JAK1: variants seen among roughly 807,000 people sequenced by gnomAD.
JAK1 encodes tyrosine-protein kinase JAK1.
JAK1 carries 16 observed loss-of-function variants against 136.6 expected under a neutral mutation model. The observed-to-expected ratio is 0.12, with a 90% confidence interval of 0.08 to 0.18. JAK1 has a LOEUF of 0.18. Among genes scored for constraint, JAK1 ranks in the 10% least tolerant of loss-of-function variants. JAK1 has a pLI of 1.00. For missense variants in JAK1, 859 were observed against 1,450.1 expected (o/e 0.59, Z 6.62); for synonymous variants, 492 against 519.5 (o/e 0.95, Z 0.72).
rs1348527015 is a variant in JAK1, at chr1:65,067,565, CCCGCCGCCCCCGCGCCCGG to C, written c.-181+20_-181+38del. 399 of 146,376 alleles carry C rather than the reference CCCGCCGCCCCCGCGCCCGG, an allele frequency of 2.7e-3. 2 individuals are homozygous for C. The East Asian group carries it at 0.036, about 13-fold the overall frequency. The allele number at this position is 146,376 out of a possible 1,614,324, so 9.1% of individuals were successfully genotyped here. On this transcript the variant is annotated intron_variant, in intron 1 of 25. Transcript: ENST00000671954. ...CCCGCGGGCGCTCGGCCCCGCGCGCCCCGCCGCCCCCGCGCCCGGCCGCCGCCCCCACACCCACCTGCGC... is the reference window on the plus strand; with the variant it reads ...CCCGCGGGCGCTCGGCCCCGCGCGCCCCGCCGCCCCCACACCCACCTGCGC...
rs1655270566 is a variant in JAK1 at position 64,846,886 on chromosome 1, G to A, written c.1900-150C>T. The A allele has an allele frequency of 6.4e-6, 4 of 625,220 alleles. No individual in the cohort carries two copies. In the East Asian group the frequency reaches 1.1e-4, roughly 17 times the overall value. 38.7% of individuals were successfully genotyped at this position (625,220 alleles called of 1,614,324 possible). A position where few individuals can be genotyped will look rare whatever the true frequency, so the allele number is the denominator to read the frequency against. ...GAACATCAATCCTCTGGCCTTGGCTGTCCAGAGGCACTGCCAAGCCTTGTT... is the reference window on the plus strand; with the variant it reads ...GAACATCAATCCTCTGGCCTTGGCTATCCAGAGGCACTGCCAAGCCTTGTT... On this transcript the variant is annotated intron_variant, in intron 13 of 24. Transcript: ENST00000342505.
In JAK1 at chr1:64,857,796, G is replaced by A. The variant is rs2101060864; in HGVS notation, c.1335-17C>T. Reference sequence around the variant, plus strand: ...TATTCTGTACTAGAGGGAGAAGTAGGCAAAGGGAGAAAGAGCTCACACCAA... The same window carrying A: ...TATTCTGTACTAGAGGGAGAAGTAGACAAAGGGAGAAAGAGCTCACACCAA... On this transcript the variant is annotated splice_polypyrimidine_tract_variant and intron_variant, in intron 9 of 24. Transcript: ENST00000342505. The A allele has an allele frequency of 6.2e-7, 1 of 1,613,934 alleles. No individual in the cohort carries two copies. The highest frequency in any genetic ancestry group is 8.5e-7 in the Non-Finnish European group (1 of 1,179,844).
chr1:65,014,861 A>T (rs1569880530), intron 2 of JAK1, among the ~76,000 whole-genome samples: 1 of 151,602 alleles, frequency 6.6e-6, no homozygotes, highest in African/African-American at 2.4e-5. Context: ...ATTTTTTTGT[A>T]CTTTTAGTAG....
chr1:64,986,106 A>T, intron 2 of JAK1: 3 of 757,598 alleles, frequency 4.0e-6, no homozygotes, highest in Non-Finnish European at 6.2e-6. Context: ...CCTCAATCTA[A>T]TTGTTTTTTT....
At chr1:65,017,448 A>G (rs1352899810) in intron 2 of JAK1, among the ~76,000 whole-genome samples, 1 of 152,226 alleles carries the variant, frequency 6.6e-6, no homozygotes, top group Non-Finnish European at 1.5e-5. Flanking sequence ...AGCCTGGGCA[A>G]CAGAGAGAGA....
chr1:64,839,324 T>C (rs1342488405), intron 20 of JAK1, among the ~76,000 whole-genome samples: 1 of 151,640 alleles, frequency 6.6e-6, no homozygotes, highest in Non-Finnish European at 1.5e-5. Flanking sequence ...TGGGTGGAGG[T>C]AGAGTAGGAA....
At chr1:64,876,151 A>G (rs1180337356) in intron 4 of JAK1, 3 of 152,138 alleles carry the variant, frequency 2.0e-5, no homozygotes, top group African/African-American at 4.8e-5. Context: ...AAGGAGAGAG[A>G]CAGGTCACCC....
intron 1 of JAK1, among the ~76,000 whole-genome samples, chr1:64,937,630 T>G (rs1243563410): frequency 6.6e-6 from 1 of 152,116 alleles, no homozygotes; most frequent in African/African-American, 2.4e-5. Flanking sequence ...GAACACTGAT[T>G]AGTAACTGAA....
chr1:65,020,107 C>T (rs1646925166), intron 2 of JAK1, among the ~76,000 whole-genome samples: 1 of 151,136 alleles, frequency 6.6e-6, no homozygotes, highest in Admixed American at 6.6e-5. Context: ...TGCCTGTAAT[C>T]CTAGCTACAT....
intron 11 of JAK1, among the ~76,000 whole-genome samples, chr1:64,854,237 T>C (rs310211): frequency 0.4 from 60,961 of 151,938 alleles, 13,388 homozygotes; most frequent in African/African-American, 0.59. Flanking sequence ...CTCTGCCCAC[T>C]CCTGGTGGTG....
At chr1:65,047,925 A>G (rs923748675) in intron 1 of JAK1, among the ~76,000 whole-genome samples, 1 of 152,150 alleles carries the variant, frequency 6.6e-6, no homozygotes, top group Non-Finnish European at 1.5e-5. Flanking sequence ...TAAAAAAAAA[A>G]TCAGTTGTGG....
intron 2 of JAK1, among the ~76,000 whole-genome samples, chr1:65,012,049 G>C (rs1335019274): frequency 2.0e-5 from 3 of 152,210 alleles, no homozygotes; most frequent in Non-Finnish European, 1.5e-5. Context: ...TGGTGTGAAA[G>C]GCACTCAGAT....
intron 1 of JAK1, among the ~76,000 whole-genome samples, chr1:64,962,456 T>A (rs2100635332): frequency 6.6e-6 from 1 of 152,266 alleles, no homozygotes; most frequent in Middle Eastern, 3.4e-3. Flanking sequence ...CACTGCCAAC[T>A]ACAAAGAATC....
intron 8 of JAK1, among the ~76,000 whole-genome samples, chr1:64,862,551 T>A (rs1274404898): frequency 1.3e-5 from 2 of 152,244 alleles, no homozygotes. Context: ...CACTGTGGCT[T>A]GGCATAGAGT....
intron 1 of JAK1, among the ~76,000 whole-genome samples, chr1:65,064,165 C>T (rs1160576260): frequency 1.3e-5 from 2 of 152,164 alleles, no homozygotes; most frequent in African/African-American, 4.8e-5. Flanking sequence ...AAAGTAGATG[C>T]GTAAGCTCAA....
intron 2 of JAK1, chr1:64,979,528 A>G (rs1646525900): frequency 6.6e-6 from 1 of 152,268 alleles, no homozygotes; most frequent in Non-Finnish European, 1.5e-5. Flanking sequence ...GGTCTATGGC[A>G]TCCAACACTT....
chr1:64,986,088 C>G (rs1018540728), intron 2 of JAK1: 20 of 1,001,274 alleles, frequency 2.0e-5, no homozygotes, highest in Non-Finnish European at 2.9e-5. Context: ...CTTCTATGTC[C>G]CCCATGGCCT....
intron 1 of JAK1, among the ~76,000 whole-genome samples, chr1:64,901,912 C>G (rs1195976136): frequency 6.6e-6 from 1 of 152,198 alleles, no homozygotes. Flanking sequence ...ACAATGTCCT[C>G]AGGGGATCCA....
chr1:65,052,631 A>G (rs1340490007), intron 1 of JAK1, among the ~76,000 whole-genome samples: 7 of 151,984 alleles, frequency 4.6e-5, no homozygotes, highest in South Asian at 2.1e-4. Flanking sequence ...GGCTAACACG[A>G]TGAAATCCCA....
Sources: gnomAD v4.1 joint callset for allele counts (sites outside exome capture counted in the v4.1 genomes callset) on GRCh38, gnomAD v4.1.1 for gene constraint, MANE v1.5 for transcripts, NCBI Gene and HGNC (gene_info 2026-07-23, HGNC 2026-07-21) for gene names.